Variants in ABCB10 observed in about 807,000 individuals in gnomAD.
The protein encoded by ABCB10 is ATP binding cassette subfamily B member 10.
In ABCB10, 54 loss-of-function variants were observed where a neutral mutation model predicts 65.4. That is an observed-to-expected ratio of 0.83 (90% confidence interval 0.66 to 1.04). The LOEUF is 1.04. ABCB10 is among the 50% of genes least tolerant of loss of function. ABCB10 has a pLI of 0.00. For missense variants in ABCB10, 846 were observed against 976.6 expected, an observed-to-expected ratio of 0.87 and a Z score of 1.78; for synonymous variants, 418 against 406.5, an observed-to-expected ratio of 1.03 and a Z score of -0.34.
chr1:229,521,093 C>T (rs983756654), intron 11 of ABCB10, among the ~76,000 whole-genome samples: 1 of 151,632 alleles, frequency 6.6e-6, no homozygotes, highest in Non-Finnish European at 1.5e-5. Context: ...CACCTATAAG[C>T]CTGAGAAGAA....
At chr1:229,555,253 GC>G (rs1289638551) in intron 1 of ABCB10, among the ~76,000 whole-genome samples, 6 of 152,194 alleles carry the variant, frequency 3.9e-5, no homozygotes, top group Non-Finnish European at 8.8e-5. Context: ...TCATCTATCT[GC>G]CAGGCACAGC....
Position 229,518,159 on chromosome 1 carries a change from GT to G in ABCB10, c.*19del, listed in dbSNP as rs1201543263. ...CTGTTTTGCATTAAAGTCTCATATT[GT>G]TTACCAGTAATTGCTTCCTTATGCT... is the stretch of plus-strand genomic sequence containing the variant. On this transcript the variant is annotated 3_prime_UTR_variant, in exon 13 of 13. Transcript: ENST00000344517. The G allele has an allele frequency of 6.4e-7, 1 of 1,574,332 alleles. No homozygotes were observed. The highest frequency in any genetic ancestry group is 1.4e-5 in the African/African-American group (1 of 73,892).
intron 1 of ABCB10, among the ~76,000 whole-genome samples, chr1:229,555,143 C>CA (rs1376998631): frequency 6.6e-6 from 1 of 152,170 alleles, no homozygotes; most frequent in Non-Finnish European, 1.5e-5. Flanking sequence ...GCCCCCCACA[C>CA]AAAAAACCTC....
In ABCB10 at chr1:229,518,886, A is replaced by T; in HGVS notation, c.1951-11T>A. 1 of 1,564,588 alleles carries T rather than the reference A, an allele frequency of 6.4e-7. No individual in the cohort carries two copies. Among genetic ancestry groups the T allele is most frequent in the South Asian group, 1.2e-5 (1 of 85,040 alleles). ...AAGAATTTTGGGATTCTGAAGAAGG[A>T]AAAAAAAGGAAAAGATAAAATAATT... On this transcript the variant is annotated splice_polypyrimidine_tract_variant and intron_variant, in intron 11 of 12. Coordinates refer to ENST00000344517, the MANE Select transcript of ABCB10 (RefSeq NM_012089.3).
chr1:229,524,803 A>G (rs1322040886), intron 10 of ABCB10, among the ~76,000 whole-genome samples: 4 of 152,184 alleles, frequency 2.6e-5, no homozygotes, highest in African/African-American at 9.6e-5. Context: ...TTAAAAGCAC[A>G]CACACACAAA....
chr1:229,529,834 G>A (rs919882566), intron 8 of ABCB10, among the ~76,000 whole-genome samples: 3 of 152,280 alleles, frequency 2.0e-5, no homozygotes, highest in Non-Finnish European at 4.4e-5. Context: ...TCTCCAGGGT[G>A]CTGCTGGAGC....
intron 10 of ABCB10, among the ~76,000 whole-genome samples, chr1:229,523,052 C>T (rs1662354114): frequency 6.6e-6 from 1 of 152,066 alleles, no homozygotes; most frequent in Non-Finnish European, 1.5e-5. Context: ...TTTTTTTCCC[C>T]TCCTCTAGAG....
chr1:229,523,959 C>T lies in ABCB10; in HGVS notation c.1906+1977G>A, dbSNP rs1016585621. The stretch of plus-strand genomic sequence containing the variant: ...TGGAACATCTCAGATCTATCAAAGA[C>T]GCCTTTTCATCTACTGCTTATATAT... On this transcript the variant is annotated intron_variant, in intron 10 of 12. Transcript: ENST00000344517. 4.6e-5 allele frequency among the ~76,000 whole-genome samples: 7 copies of T among 151,920 alleles called. No homozygotes were observed. The South Asian group carries it at 1.0e-3, about 23-fold the overall frequency.
intron 6 of ABCB10, 99 bp downstream of exon 6, chr1:229,539,357 T>C: frequency 1.3e-6 from 2 of 1,497,564 alleles, no homozygotes; most frequent in Non-Finnish European, 1.8e-6. Flanking sequence ...GCTTTTTCAG[T>C]GGAAGTTAAT....
chr1:229,532,802 G>T (rs558053857), intron 6 of ABCB10, among the ~76,000 whole-genome samples: 8 of 152,068 alleles, frequency 5.3e-5, no homozygotes, highest in Non-Finnish European at 1.0e-4. Flanking sequence ...GATTGCTTGA[G>T]TCCAAGAGGT....
rs559173767 is a variant in ABCB10, at chr1:229,546,834, T to C, written c.921+665A>G. ...AGGAGTTTAAGACTGCAGTGAGCTATGATCTTGCCACTGTACTCCAGCCTG... is the reference window on the plus strand; with the variant it reads ...AGGAGTTTAAGACTGCAGTGAGCTACGATCTTGCCACTGTACTCCAGCCTG... On this transcript the variant is annotated intron_variant, in intron 3 of 12. Coordinates refer to ENST00000344517, the MANE Select transcript of ABCB10 (RefSeq NM_012089.3). Among the ~76,000 whole-genome samples the C allele has an allele frequency of 5.9e-5, 9 of 152,204 alleles. No homozygotes were observed. The East Asian group carries it at 1.5e-3, about 26-fold the overall frequency.
intron 1 of ABCB10, 124 bp downstream of exon 1, chr1:229,558,012 T>C (rs1663301059): frequency 3.8e-6 from 4 of 1,064,618 alleles, no homozygotes; most frequent in Non-Finnish European, 4.8e-6. Context: ...GGGTTAGGAG[T>C]GGCCCAGGAG....
intron 7 of ABCB10, among the ~76,000 whole-genome samples, chr1:229,531,400 C>T (rs1039540852): frequency 2.0e-5 from 3 of 152,176 alleles, no homozygotes; most frequent in Non-Finnish European, 4.4e-5. Flanking sequence ...GAGGGCAGCA[C>T]ACTATGTGGC....
intron 1 of ABCB10, among the ~76,000 whole-genome samples, chr1:229,557,164 G>A (rs1024820622): frequency 1.3e-5 from 2 of 152,150 alleles, no homozygotes; most frequent in African/African-American, 4.8e-5. Flanking sequence ...CTACCCAGGA[G>A]GGTCCTTTCT....
rs764310729 is a variant in ABCB10, at chr1:229,531,752, C to T, written c.1340-21G>A. 2.5e-6 allele frequency: 4 copies of T among 1,605,264 alleles called. No individual in the cohort carries two copies. The Admixed American group carries it at 5.0e-5, about 20-fold the overall frequency. ...CAGACCTGAGGATGAGAAGCAGAAT[C>T]CACACACATGTCCATCACTGGCACT... On this transcript the variant is annotated intron_variant, in intron 6 of 12. Transcript: ENST00000344517.
intron 8 of ABCB10, among the ~76,000 whole-genome samples, chr1:229,528,198 A>C (rs535707890): frequency 6.6e-6 from 1 of 152,230 alleles, no homozygotes; most frequent in African/African-American, 2.4e-5. Context: ...AAAGCTCTTT[A>C]TAGACTACAC....
At chr1:229,542,966 A>C (rs1355170910) in intron 3 of ABCB10, among the ~76,000 whole-genome samples, 5 of 151,956 alleles carry the variant, frequency 3.3e-5, no homozygotes, top group Admixed American at 2.6e-4. Flanking sequence ...CCCCATCTCT[A>C]CTAAAAATAC....
At chr1:229,528,865 AAG>A (rs1662503856) in intron 8 of ABCB10, among the ~76,000 whole-genome samples, 1 of 152,126 alleles carries the variant, frequency 6.6e-6, no homozygotes, top group African/African-American at 2.4e-5. Context: ...GATTTTTACT[AAG>A]AGTTGTTTGC....
At chr1:229,546,855 G>T (rs1662979185) in intron 3 of ABCB10, among the ~76,000 whole-genome samples, 1 of 152,062 alleles carries the variant, frequency 6.6e-6, no homozygotes, top group African/African-American at 2.4e-5. Flanking sequence ...CTGTACTCCA[G>T]CCTGGGTAAC....
Sources: allele counts gnomAD v4.1 joint callset (sites outside exome capture counted in the v4.1 genomes callset), GRCh38; gene constraint gnomAD v4.1.1; transcripts MANE v1.5; gene names NCBI Gene and HGNC (gene_info 2026-07-23, HGNC 2026-07-21).